The following PSD3 variants were observed in gnomAD, a reference collection of about 807,000 sequenced individuals.
The protein encoded by PSD3 is PH and SEC7 domain-containing protein 3.
Under a neutral mutation model 105.5 loss-of-function variants are expected in PSD3, and 49 were observed. The observed-to-expected ratio is 0.46, with a 90% CI of 0.37 to 0.59. PSD3 has a LOEUF of 0.59. Among genes scored for constraint, PSD3 ranks in the 20% least tolerant of loss-of-function variants. The pLI is 0.00. For synonymous variants in PSD3, 557 were observed against 457.8 expected (o/e 1.22, Z -2.77); for missense variants, 1,561 against 1,263.8 (o/e 1.24, Z -3.57).
At chr8:18,593,546 C>A (rs1428592577) in intron 12 of PSD3, among the ~76,000 whole-genome samples, 1 of 152,110 alleles carries the variant, frequency 6.6e-6, no homozygotes, top group African/African-American at 2.4e-5. Flanking sequence ...CTAGTTCAAC[C>A]ATTGTGGAAG....
At chr8:19,062,596 T>C (rs1358013790) in intron 1 of PSD3, among the ~76,000 whole-genome samples, 1 of 152,206 alleles carries the variant, frequency 6.6e-6, no homozygotes, top group African/African-American at 2.4e-5. Context: ...AAAGAATCTT[T>C]AGATTTATTA....
intron 2 of PSD3, among the ~76,000 whole-genome samples, chr8:18,908,741 T>C (rs1473258449): frequency 6.6e-6 from 1 of 152,230 alleles, no homozygotes; most frequent in East Asian, 1.9e-4. Context: ...GTATGAATGT[T>C]GTCTTGCTTG....
At chr8:18,665,036 T>C (rs1415729293) in intron 9 of PSD3, among the ~76,000 whole-genome samples, 2 of 152,220 alleles carry the variant, frequency 1.3e-5, no homozygotes, top group Non-Finnish European at 2.9e-5. Context: ...GATGGAGATG[T>C]ACAAGGAGAT....
intron 1 of PSD3, among the ~76,000 whole-genome samples, chr8:19,011,590 A>G (rs368322255): frequency 2.4e-4 from 37 of 152,280 alleles, no homozygotes; most frequent in African/African-American, 8.7e-4. Flanking sequence ...AGAATTTCCA[A>G]GGTTACTCAA....
At chr8:18,663,154 G>A (rs1336332727) in intron 9 of PSD3, among the ~76,000 whole-genome samples, 1 of 152,136 alleles carries the variant, frequency 6.6e-6, no homozygotes, top group East Asian at 1.9e-4. Context: ...AAGGCCGGGC[G>A]CAGTGGCTCA....
chr8:18,845,581 C>G (rs928750871), intron 4 of PSD3, among the ~76,000 whole-genome samples: 1 of 152,218 alleles, frequency 6.6e-6, no homozygotes, highest in East Asian at 1.9e-4. Flanking sequence ...CTTTCACTCC[C>G]TCTTCTCCCT....
At chr8:19,002,308 G>T (rs574423963) in intron 1 of PSD3, among the ~76,000 whole-genome samples, 9 of 151,958 alleles carry the variant, frequency 5.9e-5, no homozygotes, top group Non-Finnish European at 1.3e-4. Context: ...GTGAGTTGCT[G>T]GTGTTCTAGG....
At chr8:18,558,906 A>AT (rs1263793112) in intron 14 of PSD3, among the ~76,000 whole-genome samples, 6 of 151,628 alleles carry the variant, frequency 4.0e-5, no homozygotes, top group South Asian at 2.1e-4. Context: ...TTCTTTTGTA[A>AT]TTTTTTTTTC....
intron 9 of PSD3, among the ~76,000 whole-genome samples, chr8:18,738,594 T>A (rs892700321): frequency 2.0e-5 from 3 of 152,174 alleles, no homozygotes; most frequent in African/African-American, 7.2e-5. Flanking sequence ...GTAATCATTA[T>A]CAGAAATGTG....
intron 1 of PSD3, among the ~76,000 whole-genome samples, chr8:18,966,921 G>C (rs186249882): frequency 2.0e-5 from 3 of 152,282 alleles, no homozygotes; most frequent in Non-Finnish European, 4.4e-5. Flanking sequence ...GCTTGGGTAG[G>C]GGGAGAAGGG....
At chr8:19,074,008 T>C (rs938822996) in intron 1 of PSD3, among the ~76,000 whole-genome samples, 1 of 152,084 alleles carries the variant, frequency 6.6e-6, no homozygotes, top group Non-Finnish European at 1.5e-5. Context: ...GCCAGGATGG[T>C]CTCGATCTCC....
At chr8:18,721,456 G>C (rs1041522110) in intron 9 of PSD3, among the ~76,000 whole-genome samples, 1 of 152,128 alleles carries the variant, frequency 6.6e-6, no homozygotes, top group African/African-American at 2.4e-5. Context: ...GTTTTTCCTT[G>C]AAGTTCTATA....
Position 18,902,415 on chromosome 8 carries a change from GTC to G in PSD3, c.131-29684_131-29683del, listed in dbSNP as rs150500305. On this transcript the variant is annotated intron_variant, in intron 2 of 15. Coordinates refer to ENST00000327040, the MANE Select transcript of PSD3 (RefSeq NM_015310.4). ...ATTGTTTTCCTGACTTCATTAAATT[GTC>G]TCTCTTTTCTGTTTTTCACTGAGTT... Among the ~76,000 whole-genome samples the G allele has an allele frequency of 1.7e-3, 257 of 152,096 alleles. 2 individuals are homozygous for G. The highest frequency in any genetic ancestry group is 6.0e-3 in the African/African-American group (248 of 41,494).
At chr8:18,905,673 A>T (rs1445948696) in intron 2 of PSD3, among the ~76,000 whole-genome samples, 3 of 152,154 alleles carry the variant, frequency 2.0e-5, no homozygotes, top group African/African-American at 4.8e-5. Context: ...ATGCGTCCTT[A>T]TATTTTCATA....
intron 9 of PSD3, among the ~76,000 whole-genome samples, chr8:18,759,066 T>G (rs1351802884): frequency 2.2e-5 from 3 of 139,160 alleles, no homozygotes; most frequent in Non-Finnish European, 4.6e-5. Context: ...TCCTTTCAAT[T>G]TAACCCATTC....
intron 4 of PSD3, among the ~76,000 whole-genome samples, chr8:18,840,839 T>C (rs887956288): frequency 6.6e-6 from 1 of 152,166 alleles, no homozygotes; most frequent in East Asian, 1.9e-4. Flanking sequence ...ATACAGAATA[T>C]ATAAAGGGAA....
At chr8:18,900,275 A>G (rs1819421094) in intron 2 of PSD3, among the ~76,000 whole-genome samples, 1 of 152,324 alleles carries the variant, frequency 6.6e-6, no homozygotes, top group African/African-American at 2.4e-5. Flanking sequence ...TAGAGTCTAT[A>G]GGCATGATTT....
chr8:18,555,026 C>T (rs1336540854), intron 15 of PSD3, among the ~76,000 whole-genome samples: 1 of 152,058 alleles, frequency 6.6e-6, no homozygotes, highest in East Asian at 1.9e-4. Flanking sequence ...GCCAAATCCT[C>T]TCCAGTGAAA....
chr8:19,011,185 C>T (rs1423431961), intron 1 of PSD3, among the ~76,000 whole-genome samples: 3 of 152,234 alleles, frequency 2.0e-5, no homozygotes, highest in Admixed American at 2.0e-4. Context: ...AAACCTCAAA[C>T]AAACCAGTCT....
Sources: allele counts gnomAD v4.1 joint callset (sites outside exome capture counted in the v4.1 genomes callset), GRCh38; gene constraint gnomAD v4.1.1; transcripts MANE v1.5; gene names NCBI Gene and HGNC (gene_info 2026-07-23, HGNC 2026-07-21).